The following TTC6 variants were observed in gnomAD, a reference collection of about 807,000 sequenced individuals.
The protein encoded by TTC6 is tetratricopeptide repeat protein 6.
A neutral mutation model predicts 210.4 loss-of-function variants in TTC6; 172 were observed. The ratio of observed to expected loss-of-function variants is 0.82; its 90% CI spans 0.72 to 0.93. The LOEUF (loss-of-function observed/expected upper bound fraction) is 0.93. TTC6 is among the 40% of genes least tolerant of loss of function. The pLI, the probability that TTC6 is intolerant of heterozygous loss-of-function variation, is 0.00. For missense variants in TTC6, 2,414 were observed against 2,318.1 expected (o/e 1.04, Z -0.85); for synonymous variants, 804 against 819.6 (o/e 0.98, Z 0.32).
rs532690678 is a variant in TTC6, at chr14:37,670,474, C to CCTT, written c.940-9677_940-9676insCTT. Reference sequence around the variant, plus strand: ...TAAGGATCTAGCACAAACTACCTCACTTTTTTTTTTTTTTTTTTTTTAGTC... The same window carrying CCTT: ...TAAGGATCTAGCACAAACTACCTCACCTTTTTTTTTTTTTTTTTTTTTTTAGTC... On this transcript the variant is annotated intron_variant, in intron 1 of 30. Transcript: ENST00000553443. 1.3e-4 allele frequency among the ~76,000 whole-genome samples: 16 copies of CCTT among 121,320 alleles called. 1 individual carries two copies. The highest frequency in any genetic ancestry group is 5.7e-4 in the South Asian group (2 of 3,514). 79.6% of individuals were successfully genotyped at this position (121,320 alleles called of 152,430 possible).
chr14:37,795,153 C>T (rs969446), intron 17 of TTC6, 117 bp from the exon 20 acceptor site: 381,878 of 499,376 alleles, frequency 0.76, 150,769 homozygotes, highest in Non-Finnish European at 0.83. Flanking sequence ...TTAAGAAAAA[C>T]ATGTATGTTA....
At chr14:37,765,847 T>G (rs1418759590) in intron 14 of TTC6, among the ~76,000 whole-genome samples, 1 of 152,194 alleles carries the variant, frequency 6.6e-6, no homozygotes, top group East Asian at 1.9e-4. Context: ...TTTAAAGCAC[T>G]TTAAATATGT....
Position 37,777,543 on chromosome 14 carries a change from A to T in TTC6, c.3267-9925A>T, listed in dbSNP as rs4901251. On this transcript the variant is annotated intron_variant, in intron 14 of 30. Transcript: ENST00000553443. ...TTAGAATCCTTGGTTTGGGTTTCAA[A>T]TTTCACCTGAATCTCAATGATCTTT... Among the ~76,000 whole-genome samples the T allele has an allele frequency of 3.9e-5, 6 of 152,260 alleles. No individual in the cohort carries two copies. The South Asian group carries it at 6.2e-4, about 16-fold the overall frequency.
chr14:37,680,153 T>C (rs1188508287), exon 2 of TTC6: 1 of 1,515,114 alleles, frequency 6.6e-7, no homozygotes, highest in Non-Finnish European at 8.8e-7. Flanking sequence ...CATTCAAGGA[T>C]ATTTCTTTAA....
intron 5 of TTC6, among the ~76,000 whole-genome samples, chr14:37,712,352 A>G (rs904814102): frequency 3.9e-5 from 6 of 152,062 alleles, no homozygotes; most frequent in African/African-American, 1.4e-4. Flanking sequence ...CTCCCAACCT[A>G]TCTTAGAAAT....
At chr14:37,642,309 A>C (rs537647666) in intron 1 of TTC6, among the ~76,000 whole-genome samples, 1 of 152,254 alleles carries the variant, frequency 6.6e-6, no homozygotes, top group Admixed American at 6.5e-5. Context: ...TGGGCTGAGC[A>C]CCTAAGGTAG....
intron 3 of TTC6, among the ~76,000 whole-genome samples, chr14:37,684,666 G>A (rs2138573801): frequency 6.6e-6 from 1 of 152,264 alleles, no homozygotes; most frequent in South Asian, 2.1e-4. Context: ...TTCCCACCAA[G>A]TCTTCTCCAA....
intron 7 of TTC6, among the ~76,000 whole-genome samples, chr14:37,729,079 A>G (rs191542509): frequency 6.6e-6 from 1 of 152,146 alleles, no homozygotes. Context: ...AAAATACTTG[A>G]ATATATATAT....
chr14:37,658,617 A>T (rs909082478), intron 1 of TTC6, among the ~76,000 whole-genome samples: 1 of 152,170 alleles, frequency 6.6e-6, no homozygotes, highest in African/African-American at 2.4e-5. Context: ...GAAATTACTT[A>T]ATGAGTACAT....
intron 1 of TTC6, among the ~76,000 whole-genome samples, chr14:37,603,525 C>T (rs1285298057): frequency 2.0e-5 from 3 of 152,190 alleles, no homozygotes; most frequent in African/African-American, 7.2e-5. Context: ...TTCCTTTTTG[C>T]TGAATATCCA....
chr14:37,738,454 A>G (rs1023825742), intron 9 of TTC6, among the ~76,000 whole-genome samples: 12 of 152,112 alleles, frequency 7.9e-5, no homozygotes, highest in South Asian at 2.1e-4. Flanking sequence ...AAAGTACAGC[A>G]TATAATTTAT....
intron 7 of TTC6, among the ~76,000 whole-genome samples, chr14:37,730,140 T>C (rs1055627125): frequency 1.3e-5 from 2 of 152,206 alleles, no homozygotes; most frequent in African/African-American, 4.8e-5. Flanking sequence ...CTCCTGGTTG[T>C]GGTGAATGGG....
At chr14:37,795,383 G>C (rs1295498695) in intron 18 of TTC6, 31 bp downstream of exon 20, 2 of 1,415,154 alleles carry the variant, frequency 1.4e-6, no homozygotes, top group East Asian at 5.3e-5. Context: ...TTCTTCTTGG[G>C]ATAACTTAGC....
At chr14:37,599,667 C>G (rs1392088963) in intron 1 of TTC6, among the ~76,000 whole-genome samples, 1 of 152,136 alleles carries the variant, frequency 6.6e-6, no homozygotes, top group Non-Finnish European at 1.5e-5. Context: ...CCTCTGGCCA[C>G]GGGAGAGCAT....
At chr14:37,758,572 T>C (rs1007149442) in intron 14 of TTC6, among the ~76,000 whole-genome samples, 2 of 152,200 alleles carry the variant, frequency 1.3e-5, no homozygotes, top group Non-Finnish European at 2.9e-5. Flanking sequence ...TTTGAGCCTA[T>C]GTGTATCTTT....
At chr14:37,653,741 T>C (rs1472814664) in intron 1 of TTC6, among the ~76,000 whole-genome samples, 1 of 152,206 alleles carries the variant, frequency 6.6e-6, no homozygotes, top group Non-Finnish European at 1.5e-5. Flanking sequence ...TTTTAGAAAA[T>C]GTAGTTACAT....
chr14:37,747,736 G>A (rs2095940334), intron 10 of TTC6, among the ~76,000 whole-genome samples: 1 of 152,164 alleles, frequency 6.6e-6, no homozygotes, highest in Non-Finnish European at 1.5e-5. Context: ...AGATGGAGAA[G>A]GGTAGAGATG....
At chr14:37,728,635 T>C (rs2095878601) in intron 7 of TTC6, among the ~76,000 whole-genome samples, 1 of 152,182 alleles carries the variant, frequency 6.6e-6, no homozygotes, top group African/African-American at 2.4e-5. Flanking sequence ...CTTATTGTTT[T>C]TGTTTTGTTT....
intron 1 of TTC6, among the ~76,000 whole-genome samples, chr14:37,672,029 A>G (rs1307927652): frequency 6.6e-6 from 1 of 152,154 alleles, no homozygotes; most frequent in Non-Finnish European, 1.5e-5. Context: ...AGTCTTGGGC[A>G]GTTCTTTATA....
Sources: gnomAD v4.1 joint callset for allele counts (sites outside exome capture counted in the v4.1 genomes callset) on GRCh38, gnomAD v4.1.1 for gene constraint, MANE v1.5 for transcripts, NCBI Gene and HGNC (gene_info 2026-07-23, HGNC 2026-07-21) for gene names.